COL5A3: variants seen among roughly 807,000 people sequenced by gnomAD.
COL5A3 encodes collagen type V alpha 3 chain, also known as collagen alpha-3(V) chain.
In COL5A3, 172 loss-of-function variants were observed where a neutral mutation model predicts 250.0. The observed-to-expected ratio is 0.69, with a 90% CI of 0.61 to 0.78. The LOEUF is 0.78. Among genes scored for constraint, COL5A3 ranks in the 30% least tolerant of loss-of-function variants. The probability of loss-of-function intolerance (pLI) is 0.00; values close to 1 mark genes in which losing one functional copy is unlikely to be tolerated. For missense variants in COL5A3, 2,340 were observed against 2,334.4 expected (o/e 1.00, Z -0.05); for synonymous variants, 937 against 900.4 (o/e 1.04, Z -0.73).
At chr19:9,963,593 A>C (rs1467252454) in intron 64 of COL5A3, among the ~76,000 whole-genome samples, 2 of 131,422 alleles carry the variant, frequency 1.5e-5, no homozygotes, top group Non-Finnish European at 3.2e-5. Flanking sequence ...GGGTCTTTCT[A>C]TGTTGCCCAG....
chr19:9,979,791 G>GAAA, intron 37 of COL5A3, 48 bp downstream of exon 37: 30 of 1,338,580 alleles, frequency 2.2e-5, no homozygotes, highest in Admixed American at 6.8e-5. Flanking sequence ...GTCTCAAAAA[G>GAAA]AAAAAAAAAA....
intron 56 of COL5A3, 58 bp downstream of exon 56, chr19:9,969,517 G>A (rs2086798688): frequency 6.3e-7 from 1 of 1,598,026 alleles, no homozygotes; most frequent in African/African-American, 1.3e-5. Flanking sequence ...TCACAAGCTG[G>A]GAGCAGACAG....
chr19:9,968,151 T>C lies in COL5A3; in HGVS notation c.4315-72A>G. 8 of 1,431,894 alleles carry C rather than the reference T, an allele frequency of 5.6e-6. No homozygotes were observed. The highest frequency in any genetic ancestry group is 7.7e-6 in the Non-Finnish European group (8 of 1,043,562). 88.7% of individuals were successfully genotyped at this position (1,431,894 alleles called of 1,614,324 possible). A position where few individuals can be genotyped will look rare whatever the true frequency, so the allele number is the denominator to read the frequency against. ...CCCTGACACATCCCCCAGACAAGCC[T>C]TCAATCCTACCAAAGGAAGACCCCG... is the stretch of plus-strand genomic sequence containing the variant. On this transcript the variant is annotated intron_variant, in intron 59 of 66. Coordinates refer to ENST00000264828, the MANE Select transcript of COL5A3 (RefSeq NM_015719.4). This position sits in a 1 kb window ranked among gnomAD's most constrained non-coding sequence, Gnocchi z 4.1.
intron 50 of COL5A3, 40 bp from the exon 51 acceptor site, chr19:9,973,066 C>T (rs751693884): frequency 3.0e-5 from 45 of 1,523,210 alleles, no homozygotes; most frequent in Admixed American, 4.0e-5. Context: ...GGCCTGGACT[C>T]TCCAGGGATC....
intron 54 of COL5A3, 48 bp downstream of exon 54, chr19:9,970,574 T>TG: frequency 7.9e-7 from 1 of 1,271,818 alleles, no homozygotes; most frequent in Non-Finnish European, 1.0e-6. Flanking sequence ...GTAAGGTGAG[T>TG]GGGGGCTGTA....
chr19:9,970,848 G>C (rs1477824630), intron 53 of COL5A3, 127 bp downstream of exon 53: 1 of 1,081,072 alleles, frequency 9.3e-7, no homozygotes, highest in Non-Finnish European at 1.3e-6. Context: ...TCCCCAGAGA[G>C]GTGAAGCGGG....
At position 9,970,661 on chromosome 19, in the gene COL5A3, A is replaced by G; in HGVS notation, c.3897T>C (p.Ala1299=). 1 of 1,450,856 alleles carries G rather than the reference A, an allele frequency of 6.9e-7. No individual in the cohort carries two copies. Among genetic ancestry groups the G allele is most frequent in the Non-Finnish European group, 9.1e-7 (1 of 1,102,912 alleles). The allele number at this position is 1,450,856 out of a possible 1,614,324, so 89.9% of individuals were successfully genotyped here. ...GCCCGGGGGCGCCGGGCTCCCCAGA[A>G]GCTCCAGGCGGACCCTGGAGGAGAC... ...GDVGGPGPPG[A]SGEPGAPGPP... is the part of the protein sequence containing the mutation. Residue 1299 remains alanine, a synonymous_variant, in exon 54 of 67, where the codon GCT becomes GCC. Transcript: ENST00000264828.
intron 27 of COL5A3, among the ~76,000 whole-genome samples, chr19:9,987,702 T>C (rs1266641171): frequency 6.6e-6 from 1 of 151,740 alleles, no homozygotes; most frequent in Non-Finnish European, 1.5e-5. Context: ...GTGAGTGAAC[T>C]GTGATGGTGG....
intron 24 of COL5A3, 81 bp downstream of exon 24, chr19:9,991,529 T>A (rs2087188769): frequency 2.5e-6 from 3 of 1,203,126 alleles, no homozygotes; most frequent in African/African-American, 1.5e-5. Flanking sequence ...AACAGAGGGG[T>A]CTTGGTGGGA....
intron 33 of COL5A3, 40 bp from the exon 34 acceptor site, chr19:9,980,899 T>G (rs752334644): frequency 1.3e-6 from 2 of 1,573,396 alleles, no homozygotes; most frequent in Non-Finnish European, 1.7e-6. Flanking sequence ...TATGAGGGGG[T>G]GGGGGAGCCT....
chr19:9,992,240 T>C (rs761263411), intron 21 of COL5A3, among the ~76,000 whole-genome samples, 192 bp from the exon 22 acceptor site: 3 of 151,648 alleles, frequency 2.0e-5, no homozygotes, highest in East Asian at 2.0e-4. Context: ...CTGGCCAACA[T>C]TGTGAAACCC....
In COL5A3 at chr19:9,968,059, G is replaced by A. The variant is rs368508428; in HGVS notation, c.4335C>T (p.Gly1445=). 1 of 1,590,776 alleles carries A rather than the reference G, an allele frequency of 6.3e-7. No individual in the cohort carries two copies. The highest frequency in any genetic ancestry group is 8.5e-7 in the Non-Finnish European group (1 of 1,173,872). Residue 1445 remains glycine, a synonymous_variant, in exon 60 of 67, where the codon GGC becomes GGT. Coordinates refer to ENST00000264828, the MANE Select transcript of COL5A3 (RefSeq NM_015719.4). The surrounding 1 kb of genome is among the most constrained non-coding windows in gnomAD (Gnocchi z 4.1). The part of the protein sequence containing the change: ...KGDPGPPGPI[G]SLGHPGPPGV... ...CTGGGGGCCCAGGGTGGCCCAGAGA[G>A]CCAATGGGACCAGGGGGACCCTAGG...
intron 64 of COL5A3, 86 bp from the exon 65 acceptor site, chr19:9,962,973 C>T: frequency 1.0e-6 from 1 of 966,534 alleles, no homozygotes; most frequent in Non-Finnish European, 1.6e-6. Context: ...ACACAGTAGG[C>T]TGTTGTGACT....
In COL5A3 at chr19:10,005,579, G is replaced by C; in HGVS notation, c.573C>G (p.Asp191Glu). Residue 191 changes from aspartate to glutamate, a missense_variant, in exon 4 of 67, where the codon GAC (aspartate) becomes GAG (glutamate). Asp to Glu is a conservative substitution (Grantham distance 45). Around this residue, in one of 3 missense-constraint regions of COL5A3, gnomAD observed 1,152 missense variants for 1,146.3 expected, o/e 1.00. Coordinates refer to ENST00000264828, the MANE Select transcript of COL5A3 (RefSeq NM_015719.4). ...CTACCTCGAAAGTCTTTTCCCCAAG[G>C]TCCTGGGTCCCCAGCACAGTGAGTC... ...IAGLTVLGTQ[D>E]LGEKTFEGDI... 1 of 1,614,078 alleles carries C rather than the reference G, an allele frequency of 6.2e-7. No individual in the cohort carries two copies. The highest frequency in any genetic ancestry group is 8.5e-7 in the Non-Finnish European group (1 of 1,179,992).
chr19:9,969,849 C>T lies in COL5A3; in HGVS notation c.3990+20G>A, dbSNP rs753953829. The T allele has an allele frequency of 6.2e-7, 1 of 1,613,678 alleles. No individual in the cohort carries two copies. The highest frequency in any genetic ancestry group is 1.1e-5 in the South Asian group (1 of 91,070). On this transcript the variant is annotated intron_variant, in intron 55 of 66. Coordinates refer to ENST00000264828, the MANE Select transcript of COL5A3 (RefSeq NM_015719.4). ...GCCTAGAGTAGTGCAGGGACCCTTC[C>T]CCTTGCCAGGGGGACTCACCTTGGC...
intron 30 of COL5A3, among the ~76,000 whole-genome samples, chr19:9,986,108 A>G (rs894227439): frequency 6.6e-6 from 1 of 152,250 alleles, no homozygotes; most frequent in East Asian, 1.9e-4. Context: ...AAATGGGATG[A>G]AAATGCCTAT....
At chr19:9,983,854 G>GA (rs58267123) in intron 31 of COL5A3, among the ~76,000 whole-genome samples, 34,796 of 137,846 alleles carry the variant, frequency 0.25, 4,657 homozygotes, top group South Asian at 0.43. Flanking sequence ...TCGTTAAAAA[G>GA]AAAAAAAAAT....
intron 6 of COL5A3, among the ~76,000 whole-genome samples, chr19:10,002,412 C>T (rs1395068517): frequency 6.6e-6 from 1 of 151,878 alleles, no homozygotes; most frequent in East Asian, 1.9e-4. Context: ...TGTAGTGCAA[C>T]CAGTGACTCC....
At position 10,004,086 on chromosome 19, in the gene COL5A3, C is replaced by T; in HGVS notation, c.654G>A (p.Glu218=). The change falls in exon 5 of 67, where the codon GAG becomes GAA. Residue 218 remains glutamate (E), a synonymous_variant. Coordinates refer to ENST00000264828, the MANE Select transcript of COL5A3 (RefSeq NM_015719.4). Reference sequence around the variant, plus strand: ...GGTTGTCACAGTCGGGGAGGTACCGCTCACAAGCCTGGAAGGCAGCCTGAG... The same window carrying T: ...GGTTGTCACAGTCGGGGAGGTACCGTTCACAAGCCTGGAAGGCAGCCTGAG... ...PDPQAAFQAC[E]RYLPDCDNLA... is the part of the protein sequence containing the mutation. 6.2e-7 allele frequency: 1 copy of T among 1,614,064 alleles called. No homozygotes were observed. Among genetic ancestry groups the T allele is most frequent in the Non-Finnish European group, 8.5e-7 (1 of 1,179,984 alleles).
Sources: gnomAD v4.1 joint callset for allele counts (sites outside exome capture counted in the v4.1 genomes callset) on GRCh38, gnomAD v4.1.1 for gene constraint, gnomAD v4.1.1 regional missense constraint, Gnocchi (gnomAD v3.1) non-coding constraint, MANE v1.5 for transcripts, NCBI Gene and HGNC (gene_info 2026-07-23, HGNC 2026-07-21) for gene names.